The following DLG2 variants were observed in gnomAD, a reference collection of about 807,000 sequenced individuals.
DLG2 encodes discs large MAGUK scaffold protein 2.
In DLG2, 45 loss-of-function variants were observed where a neutral mutation model predicts 132.5. That is an observed-to-expected ratio of 0.34 (90% CI 0.27 to 0.44). The LOEUF (loss-of-function observed/expected upper bound fraction) is 0.44. Among genes scored for constraint, DLG2 ranks in the 20% least tolerant of loss-of-function variants. DLG2 has a pLI of 1.00. For synonymous variants in DLG2, 424 were observed against 419.6 expected, an observed-to-expected ratio of 1.01 and a Z score of -0.13; for missense variants, 1,045 against 1,196.9, an observed-to-expected ratio of 0.87 and a Z score of 1.87.
At chr11:83,738,816 T>C (rs1593379849) in intron 18 of DLG2, among the ~76,000 whole-genome samples, 1 of 152,170 alleles carries the variant, frequency 6.6e-6, no homozygotes, top group East Asian at 1.9e-4. Context: ...CCTTGTTGTC[T>C]GCCATCTGGA....
At chr11:84,180,544 C>T (rs2096089132) in intron 8 of DLG2, among the ~76,000 whole-genome samples, 1 of 152,046 alleles carries the variant, frequency 6.6e-6, no homozygotes, top group East Asian at 1.9e-4. Flanking sequence ...GAACACCAAG[C>T]AGAATAAATG....
intron 16 of DLG2, among the ~76,000 whole-genome samples, chr11:83,866,639 A>G (rs190600634): frequency 6.6e-5 from 10 of 152,314 alleles, no homozygotes; most frequent in African/African-American, 1.7e-4. Flanking sequence ...AATTACATTG[A>G]GACCATTTTT....
intron 7 of DLG2, among the ~76,000 whole-genome samples, chr11:84,532,357 A>T (rs1433555098): frequency 2.6e-5 from 4 of 152,190 alleles, no homozygotes; most frequent in African/African-American, 9.6e-5. Flanking sequence ...CCATATTATC[A>T]ATTCTAGTAG....
intron 10 of DLG2, among the ~76,000 whole-genome samples, chr11:84,086,906 A>C (rs1460414725): frequency 6.6e-6 from 1 of 152,192 alleles, no homozygotes; most frequent in African/African-American, 2.4e-5. Context: ...GTGTAAATAA[A>C]ATTGTATAAT....
intron 6 of DLG2, among the ~76,000 whole-genome samples, chr11:84,692,463 T>C (rs1467437842): frequency 6.6e-6 from 1 of 151,678 alleles, no homozygotes; most frequent in Non-Finnish European, 1.5e-5. Context: ...AAAAAACAAA[T>C]ACATCTGATT....
chr11:84,100,884 GTTGTTTTTACAA>G (rs1160557579), intron 9 of DLG2, among the ~76,000 whole-genome samples: 1 of 151,998 alleles, frequency 6.6e-6, no homozygotes, highest in African/African-American at 2.4e-5. Context: ...TTTCCAGAGG[GTTGTTTTTACAA>G]TTGTATATTT....
At chr11:84,916,932 A>T (rs1157898137) in intron 6 of DLG2, among the ~76,000 whole-genome samples, 1 of 152,012 alleles carries the variant, frequency 6.6e-6, no homozygotes, top group East Asian at 1.9e-4. Flanking sequence ...TTAGGTCTTT[A>T]CTCCAAGCCA....
chr11:83,816,228 A>G (rs946714083), intron 17 of DLG2, among the ~76,000 whole-genome samples: 9 of 152,182 alleles, frequency 5.9e-5, no homozygotes, highest in African/African-American at 2.2e-4. Flanking sequence ...ATTTCCGTAA[A>G]TAGGCTCCAG....
chr11:84,485,014 TA>T (rs1184563364), intron 7 of DLG2, among the ~76,000 whole-genome samples: 2 of 152,158 alleles, frequency 1.3e-5, no homozygotes, highest in Non-Finnish European at 2.9e-5. Flanking sequence ...CCATGTAAGG[TA>T]AATTTAATCC....
chr11:85,467,383 G>C (rs1348604477), intron 3 of DLG2, among the ~76,000 whole-genome samples: 1 of 152,128 alleles, frequency 6.6e-6, no homozygotes, highest in Non-Finnish European at 1.5e-5. Flanking sequence ...TCCCTGTCTT[G>C]TGCCAGTTTT....
chr11:84,061,197 T>C (rs2096585614), intron 10 of DLG2, among the ~76,000 whole-genome samples: 1 of 152,198 alleles, frequency 6.6e-6, no homozygotes. Flanking sequence ...CCTTAGCCTC[T>C]CTAAGCCTTA....
At chr11:84,500,207 G>T (rs912876902) in intron 7 of DLG2, among the ~76,000 whole-genome samples, 23 of 152,100 alleles carry the variant, frequency 1.5e-4, no homozygotes, top group African/African-American at 5.6e-4. Flanking sequence ...TAAAAAACAT[G>T]TTGGAGGAAG....
At chr11:85,031,003 C>T (rs575686571) in intron 6 of DLG2, among the ~76,000 whole-genome samples, 36 of 151,938 alleles carry the variant, frequency 2.4e-4, no homozygotes, top group Non-Finnish European at 1.8e-4. Flanking sequence ...AGGTTTGTTA[C>T]ATGAGTATAT....
intron 6 of DLG2, among the ~76,000 whole-genome samples, chr11:84,689,917 A>C (rs547157677): frequency 2.2e-4 from 34 of 152,164 alleles, no homozygotes; most frequent in Non-Finnish European, 4.3e-4. Context: ...AATAATTAAT[A>C]GTCAAAAAAT....
chr11:83,667,741 A>G (rs2075894730), intron 18 of DLG2, among the ~76,000 whole-genome samples: 2 of 152,084 alleles, frequency 1.3e-5, no homozygotes, highest in South Asian at 4.1e-4. Context: ...GCACTTTGGG[A>G]GGCCGAGGCG....
chr11:84,983,002 A>G (rs766204501), intron 6 of DLG2, among the ~76,000 whole-genome samples: 1 of 152,182 alleles, frequency 6.6e-6, no homozygotes, highest in Non-Finnish European at 1.5e-5. Flanking sequence ...GTTTTCCCCT[A>G]AGGTTGACTA....
At chr11:84,248,098 G>C (rs530016854) in intron 8 of DLG2, among the ~76,000 whole-genome samples, 25 of 152,276 alleles carry the variant, frequency 1.6e-4, no homozygotes, top group Middle Eastern at 3.4e-3. Context: ...TGAGAAAATA[G>C]ACTGTGAAAG....
intron 16 of DLG2, among the ~76,000 whole-genome samples, chr11:83,861,191 C>G (rs1407561636): frequency 5.3e-5 from 8 of 152,072 alleles, no homozygotes; most frequent in Non-Finnish European, 1.2e-4. Context: ...ATCATTTCAC[C>G]CCAGTCAAAA....
chr11:84,299,270 A>G (rs904468171), intron 7 of DLG2, among the ~76,000 whole-genome samples: 1 of 152,236 alleles, frequency 6.6e-6, no homozygotes, highest in African/African-American at 2.4e-5. Context: ...TAAATCAGTA[A>G]GTGATACAAA....
Sources: allele counts gnomAD v4.1 joint callset (sites outside exome capture counted in the v4.1 genomes callset), GRCh38; gene constraint gnomAD v4.1.1; transcripts MANE v1.5; gene names NCBI Gene and HGNC (gene_info 2026-07-23, HGNC 2026-07-21).